The following PRH2 variants were observed in gnomAD, a reference collection of about 807,000 sequenced individuals.
PRH2 encodes the protein salivary acidic proline-rich phosphoprotein 1/2.
PRH2 carries 19 observed loss-of-function variants against 22.6 expected under a neutral mutation model. The ratio of observed to expected loss-of-function variants is 0.84; its 90% CI spans 0.59 to 1.23. The LOEUF is 1.23. Ranked by LOEUF, PRH2 falls within the 50% of genes most tolerant of loss-of-function variation. The probability of loss-of-function intolerance (pLI) is 0.00; values close to 1 mark genes in which losing one functional copy is unlikely to be tolerated. For synonymous variants in PRH2, 45 were observed against 72.0 expected, an observed-to-expected ratio of 0.63 and a Z score of 1.90; for missense variants, 109 against 203.0, an observed-to-expected ratio of 0.54 and a Z score of 2.81.
chr12:10,929,387 C>A (rs372106068), intron 1 of PRH2, 50 bp downstream of exon 1: 20 of 1,607,220 alleles, frequency 1.2e-5, no homozygotes, highest in African/African-American at 2.7e-5. Context: ...GGTTTACGGG[C>A]GAATGCTATA....
chr12:10,931,415 C>T (rs192927009), intron 3 of PRH2, among the ~76,000 whole-genome samples: 1 of 152,304 alleles, frequency 6.6e-6, no homozygotes, highest in Non-Finnish European at 1.5e-5. Flanking sequence ...CCTGAACACT[C>T]CTTGTTCAGG....
Position 10,930,424 on chromosome 12 carries a change from T to C in PRH2, c.100+120T>C, listed in dbSNP as rs1376161764. On this transcript the variant is annotated intron_variant, in intron 2 of 3. Coordinates refer to ENST00000396400, the MANE Select transcript of PRH2 (RefSeq NM_001110213.1). ...TTGGCTAATATCAGTGCCCCAGAGA[T>C]ATAAACAGTTTTCTCCCAACCTTGA... 5.4e-6 allele frequency: 8 copies of C among 1,475,640 alleles called. No homozygotes were observed. In the African/African-American group the frequency reaches 8.5e-5, roughly 16 times the overall value. The allele number at this position is 1,475,640 out of a possible 1,614,324, so 91.4% of individuals were successfully genotyped here.
Sources: gnomAD v4.1 joint callset for allele counts (sites outside exome capture counted in the v4.1 genomes callset) on GRCh38, gnomAD v4.1.1 for gene constraint, MANE v1.5 for transcripts, NCBI Gene and HGNC (gene_info 2026-07-23, HGNC 2026-07-21) for gene names.